The following PM20D2 variants were observed in gnomAD, a reference collection of about 807,000 sequenced individuals.
PM20D2 encodes the protein peptidase M20 domain containing 2.
A neutral mutation model predicts 42.9 loss-of-function variants in PM20D2; 33 were observed. The ratio of observed to expected loss-of-function variants is 0.77; its 90% CI spans 0.58 to 1.03. The LOEUF is 1.03. Ranked by LOEUF, PM20D2 falls within the 50% of genes least tolerant of loss-of-function variation. PM20D2 has a pLI of 0.00. For missense variants in PM20D2, 548 were observed against 557.0 expected (o/e 0.98, Z 0.16); for synonymous variants, 250 against 228.2 (o/e 1.10, Z -0.86).
chr6:89,123,974 C>G, the PM20D2 span, among the ~76,000 whole-genome samples: 1 of 150,930 alleles, frequency 6.6e-6, no homozygotes. Context: ...GAGGTTGAGA[C>G]TGAAGTGAGC....
the PM20D2 span, among the ~76,000 whole-genome samples, chr6:89,121,343 T>A: frequency 6.6e-5 from 10 of 152,122 alleles, no homozygotes; most frequent in Non-Finnish European, 1.0e-4. Flanking sequence ...TTGGAAGGCC[T>A]AAGGAGAGAA....
the PM20D2 span, among the ~76,000 whole-genome samples, chr6:89,116,409 A>C: frequency 6.6e-6 from 1 of 152,196 alleles, no homozygotes; most frequent in Non-Finnish European, 1.5e-5. Flanking sequence ...TAAACAAGGC[A>C]CCTTTTAGAT....
the PM20D2 span, chr6:89,097,832 C>T: frequency 4.6e-5 from 7 of 152,118 alleles, no homozygotes; most frequent in Non-Finnish European, 8.8e-5. Flanking sequence ...ATGTGTAAGT[C>T]TTAATATGAA....
intron 1 of PM20D2, 31 bp downstream of exon 1, chr6:89,146,640 C>G: frequency 7.3e-7 from 1 of 1,375,244 alleles, no homozygotes; most frequent in Non-Finnish European, 9.3e-7. Context: ...GGGACCCTAT[C>G]CGACTGCCCG....
chr6:89,125,300 G>A, the PM20D2 span, among the ~76,000 whole-genome samples: 1 of 152,158 alleles, frequency 6.6e-6, no homozygotes, highest in Non-Finnish European at 1.5e-5. Flanking sequence ...CTAACACGGT[G>A]AAACTCCGTC....
At chr6:89,118,534 G>A in the PM20D2 span, among the ~76,000 whole-genome samples, 2 of 152,182 alleles carry the variant, frequency 1.3e-5, no homozygotes, top group African/African-American at 4.8e-5. Flanking sequence ...TGCCCAGGTG[G>A]TCTCAAACTC....
the PM20D2 span, among the ~76,000 whole-genome samples, chr6:89,121,846 A>G: frequency 2.0e-5 from 3 of 152,128 alleles, no homozygotes; most frequent in Non-Finnish European, 4.4e-5. Flanking sequence ...AATGCTTTTT[A>G]AGTTTTCACC....
the PM20D2 span, chr6:89,105,519 A>G: frequency 6.2e-7 from 1 of 1,603,722 alleles, no homozygotes; most frequent in Non-Finnish European, 8.5e-7. Context: ...AGCATCTCGA[A>G]CATCTTCAAA....
upstream of PM20D2, among the ~76,000 whole-genome samples, chr6:89,141,861 G>A (rs1389388025): frequency 6.6e-6 from 1 of 152,200 alleles, no homozygotes; most frequent in Non-Finnish European, 1.5e-5. Context: ...CTGGAGTGCA[G>A]TGGTGCAATC....
At chr6:89,105,616 T>C in the PM20D2 span, 10 of 990,712 alleles carry the variant, frequency 1.0e-5, no homozygotes, top group South Asian at 2.5e-5. Context: ...ATGAAATTAA[T>C]AGGAAAATCA....
the PM20D2 span, chr6:89,107,295 T>G: frequency 1.1e-4 from 148 of 1,408,534 alleles, no homozygotes; most frequent in Non-Finnish European, 1.4e-4. Flanking sequence ...GAAATATGAA[T>G]AGCTGGATTA....
At chr6:89,154,726 A>C in intron 3 of PM20D2, 22 bp from the exon 4 acceptor site, 4 of 1,452,996 alleles carry the variant, frequency 2.8e-6, no homozygotes, top group Non-Finnish European at 3.7e-6. Flanking sequence ...GCTTAATTCT[A>C]GTAATTTGGT....
At chr6:89,106,209 T>G in the PM20D2 span, among the ~76,000 whole-genome samples, 11 of 151,998 alleles carry the variant, frequency 7.2e-5, no homozygotes, top group African/African-American at 2.7e-4. Context: ...TAAGCCCAGG[T>G]TCAAGAGATT....
At chr6:89,102,285 A>G in the PM20D2 span, among the ~76,000 whole-genome samples, 3 of 152,050 alleles carry the variant, frequency 2.0e-5, no homozygotes, top group Non-Finnish European at 4.4e-5. Flanking sequence ...CTGGGATTAC[A>G]GGCACGTGCC....
At chr6:89,144,030 G>A (rs566488156), upstream of PM20D2, among the ~76,000 whole-genome samples, 1 of 152,284 alleles carries the variant, frequency 6.6e-6, no homozygotes, top group African/African-American at 2.4e-5. Flanking sequence ...AAGCCTGGAG[G>A]GGAAGATAAA....
At chr6:89,141,081 T>A (rs1001596386), upstream of PM20D2, among the ~76,000 whole-genome samples, 3 of 152,204 alleles carry the variant, frequency 2.0e-5, no homozygotes, top group Admixed American at 1.3e-4. Flanking sequence ...CTTTCCTTGG[T>A]GCTCTGCTGG....
chr6:89,156,378 T>G (rs1028232435), intron 4 of PM20D2, among the ~76,000 whole-genome samples: 3 of 152,212 alleles, frequency 2.0e-5, no homozygotes, highest in Admixed American at 6.5e-5. Context: ...TGTCTTTGGC[T>G]CTCCATTTTC....
chr6:89,109,076 G>A, the PM20D2 span, among the ~76,000 whole-genome samples: 2 of 152,094 alleles, frequency 1.3e-5, no homozygotes, highest in African/African-American at 2.4e-5. Context: ...AATATAATGA[G>A]AAACAAGAAA....
Position 89,146,237 on chromosome 6 carries a change from C to G in PM20D2, c.93C>G (p.Ile31Met). The G allele has an allele frequency of 6.3e-7, 1 of 1,580,604 alleles. No individual in the cohort carries two copies. The highest frequency in any genetic ancestry group is 1.1e-5 in the South Asian group (1 of 88,474). ...TGAAGCTGCGCTCGGCGGAGTGCAT[C>G]GACGAGGCGGCCGAGCGGCTGGGGG... ...ELLKLRSAEC[I>M]DEAAERLGAL... The change falls in exon 1 of 7, where the codon ATC (isoleucine) becomes ATG (methionine). Residue 31 changes from isoleucine (I) to methionine (M), a missense_variant. Physicochemically the swap from Ile to Met is conservative, Grantham distance 10. This residue lies in a region of PM20D2 where 470 missense variants were observed against 464.4 expected (regional missense o/e 1.01). Coordinates refer to ENST00000275072, the MANE Select transcript of PM20D2 (RefSeq NM_001010853.3).
Sources: allele counts gnomAD v4.1 joint callset (sites outside exome capture counted in the v4.1 genomes callset), GRCh38; gene constraint gnomAD v4.1.1; regional missense constraint gnomAD v4.1.1; transcripts MANE v1.5; gene names NCBI Gene and HGNC (gene_info 2026-07-23, HGNC 2026-07-21).